Variants in ZNF143 observed in about 807,000 individuals in gnomAD.
ZNF143 encodes the protein zinc finger protein 143.
Under a neutral mutation model 74.1 loss-of-function variants are expected in ZNF143, and 49 were observed. The ratio of observed to expected loss-of-function variants is 0.66; its 90% CI spans 0.53 to 0.84. The LOEUF is 0.84. Among genes scored for constraint, ZNF143 ranks in the 40% least tolerant of loss-of-function variants. The pLI is 0.00. For synonymous variants in ZNF143, 304 were observed against 282.8 expected (o/e 1.07, Z -0.75); for missense variants, 637 against 793.4 (o/e 0.80, Z 2.37).
rs1565047563 is a variant in ZNF143, at chr11:9,496,396, G to GT, written c.841+25dup. On this transcript the variant is annotated intron_variant, in intron 9 of 15. Transcript: ENST00000396602. ...TGCAACAGGTAAAAGTATGAATTTT[G>GT]TTTTTTTCTTGGTTCCAATTAGGGG... 7.4e-6 allele frequency: 12 copies of GT among 1,613,194 alleles called. No individual in the cohort carries two copies. Among genetic ancestry groups the GT allele is most frequent in the Non-Finnish European group, 1.0e-5 (12 of 1,179,522 alleles).
chr11:9,472,890 A>T, intron 3 of ZNF143, 121 bp downstream of exon 3: 9 of 436,466 alleles, frequency 2.1e-5, no homozygotes, highest in Non-Finnish European at 3.5e-5. Flanking sequence ...GCATATGATG[A>T]TTTTAAGTCA....
intron 14 of ZNF143, among the ~76,000 whole-genome samples, chr11:9,517,362 T>C: frequency 6.6e-6 from 1 of 152,232 alleles, no homozygotes; most frequent in Non-Finnish European, 1.5e-5. Context: ...TTAAAGTCTT[T>C]TGCTATTTCA....
chr11:9,469,592 G>C (rs2133847897), intron 1 of ZNF143, among the ~76,000 whole-genome samples: 1 of 152,222 alleles, frequency 6.6e-6, no homozygotes, highest in South Asian at 2.1e-4. Context: ...GCTTTTGGAG[G>C]TGCCAAGGAA....
At chr11:9,502,945 C>T (rs879371654) in intron 11 of ZNF143, among the ~76,000 whole-genome samples, 1 of 152,144 alleles carries the variant, frequency 6.6e-6, no homozygotes, top group Non-Finnish European at 1.5e-5. Flanking sequence ...ATTCTCCTGC[C>T]TCAGCCTCCC....
At chr11:9,484,800 A>ATTTTTTTTTTTTTTTTTTTTTTT (rs1381085964) in intron 7 of ZNF143, among the ~76,000 whole-genome samples, 1 of 67,008 alleles carries the variant, frequency 1.5e-5, no homozygotes, top group African/African-American at 6.8e-5. Context: ...CTGGCCAAAG[A>ATTTTTTTTTTTTTTTTTTTTTTT]TTTTTTTTTT....
chr11:9,489,360 A>G (rs1226170894), intron 7 of ZNF143, among the ~76,000 whole-genome samples: 2 of 152,188 alleles, frequency 1.3e-5, no homozygotes, highest in African/African-American at 4.8e-5. Flanking sequence ...GCACACATTC[A>G]GAGACCTCAG....
chr11:9,467,394 C>T (rs920080908), intron 1 of ZNF143, among the ~76,000 whole-genome samples: 9 of 151,934 alleles, frequency 5.9e-5, no homozygotes, highest in Non-Finnish European at 1.0e-4. Context: ...CCACCATACC[C>T]GGCTGATTTT....
intron 12 of ZNF143, among the ~76,000 whole-genome samples, chr11:9,512,073 G>A (rs892850793): frequency 1.3e-5 from 2 of 152,050 alleles, no homozygotes; most frequent in Non-Finnish European, 2.9e-5. Context: ...AAGTGAATGC[G>A]AGAATTTAGT....
At chr11:9,462,364 G>A (rs1855916069) in intron 1 of ZNF143, among the ~76,000 whole-genome samples, 1 of 151,742 alleles carries the variant, frequency 6.6e-6, no homozygotes, top group Non-Finnish European at 1.5e-5. Flanking sequence ...GTGTAATTAG[G>A]CCTGGGCAGC....
intron 13 of ZNF143, among the ~76,000 whole-genome samples, chr11:9,515,697 T>C (rs1848700514): frequency 1.3e-5 from 2 of 150,180 alleles, no homozygotes; most frequent in African/African-American, 4.9e-5. Flanking sequence ...AAATACTGTA[T>C]TGCCGGGCAC....
chr11:9,516,963 T>C (rs1227367808), intron 14 of ZNF143, among the ~76,000 whole-genome samples: 1 of 152,226 alleles, frequency 6.6e-6, no homozygotes, highest in Non-Finnish European at 1.5e-5. Context: ...TGAGACAGGC[T>C]GGAGTGCAGC....
rs781091191 is a variant in ZNF143, at chr11:9,516,207, A to G, written c.1531A>G (p.Ile511Val). Residue 511 changes from isoleucine (I) to valine (V), a missense_variant, in exon 14 of 16, where the codon ATA (isoleucine) becomes GTA (valine). This residue lies in a region of ZNF143 where 344 missense variants were observed against 485.6 expected (regional missense o/e 0.71). Transcript: ENST00000396602. ...AAAATTCACTGTATTGCAGGTCAACATATCTCAAGCTGACATGCAGGCCAT... is the reference window on the plus strand; with the variant it reads ...AAAATTCACTGTATTGCAGGTCAACGTATCTCAAGCTGACATGCAGGCCAT... ...ISQDGTQHVN[I>V]SQADMQAIGN... The G allele has an allele frequency of 1.2e-5, 20 of 1,613,822 alleles. No individual in the cohort carries two copies. The highest frequency in any genetic ancestry group is 1.6e-5 in the Non-Finnish European group (19 of 1,179,814).
chr11:9,501,317 T>G, intron 11 of ZNF143, 47 bp downstream of exon 11: 3 of 1,591,226 alleles, frequency 1.9e-6, no homozygotes, highest in Non-Finnish European at 8.6e-7. Context: ...AGGCTCAGTT[T>G]AACTCCTGCC....
At chr11:9,486,412 A>ATATAT (rs1491276045) in intron 7 of ZNF143, among the ~76,000 whole-genome samples, 1 of 19,326 alleles carries the variant, frequency 5.2e-5, no homozygotes, top group Non-Finnish European at 1.0e-4. Context: ...TTATATATAT[A>ATATAT]ATATATATTA....
intron 14 of ZNF143, among the ~76,000 whole-genome samples, chr11:9,522,362 A>G (rs1165766056): frequency 2.0e-5 from 3 of 151,960 alleles, no homozygotes; most frequent in Non-Finnish European, 4.4e-5. Flanking sequence ...AGAAGCTAGG[A>G]CTGCAGGTAC....
intron 14 of ZNF143, among the ~76,000 whole-genome samples, chr11:9,520,733 G>T (rs1433363825): frequency 1.3e-5 from 2 of 152,196 alleles, no homozygotes. Context: ...AGGTTGCAGT[G>T]AGCTGAGATT....
At chr11:9,477,864 C>T (rs1186469428) in intron 5 of ZNF143, among the ~76,000 whole-genome samples, 6 of 152,024 alleles carry the variant, frequency 3.9e-5, no homozygotes, top group Admixed American at 6.6e-5. Flanking sequence ...CTGGCTCTGT[C>T]GCCCAGGCTG....
chr11:9,464,082 G>GTGTT (rs60631741), intron 1 of ZNF143, among the ~76,000 whole-genome samples: 3 of 138,154 alleles, frequency 2.2e-5, no homozygotes, highest in African/African-American at 8.2e-5. Flanking sequence ...TCGTGTGTGT[G>GTGTT]TGTTTGTGTG....
chr11:9,474,755 A>G (rs918000759), intron 5 of ZNF143, 122 bp downstream of exon 5: 1 of 1,039,124 alleles, frequency 9.6e-7, no homozygotes, highest in Non-Finnish European at 1.4e-6. Context: ...TCATTAAAGT[A>G]CAAGGTGGCA....
Sources: gnomAD v4.1 joint callset for allele counts (sites outside exome capture counted in the v4.1 genomes callset) on GRCh38, gnomAD v4.1.1 for gene constraint, gnomAD v4.1.1 regional missense constraint, MANE v1.5 for transcripts, NCBI Gene and HGNC (gene_info 2026-07-23, HGNC 2026-07-21) for gene names.